The following KCNJ6 variants were observed in gnomAD, a reference collection of about 807,000 sequenced individuals.
KCNJ6 encodes the protein G protein-activated inward rectifier potassium channel 2.
Under a neutral mutation model 34.2 loss-of-function variants are expected in KCNJ6, and 9 were observed. That is an observed-to-expected ratio of 0.26 (90% CI 0.16 to 0.46). KCNJ6 has a LOEUF of 0.46. KCNJ6 is among the 20% of genes least tolerant of loss of function. KCNJ6 has a pLI of 1.00. For synonymous variants in KCNJ6, 196 were observed against 207.1 expected, an observed-to-expected ratio of 0.95 and a Z score of 0.46; for missense variants, 236 against 531.3, an observed-to-expected ratio of 0.44 and a Z score of 5.46.
intron 2 of KCNJ6, among the ~76,000 whole-genome samples, chr21:37,730,546 G>C (rs1290389703): frequency 6.6e-6 from 1 of 152,178 alleles, no homozygotes; most frequent in South Asian, 2.1e-4. Flanking sequence ...ATAGTGTCTG[G>C]GTCGAAGAAG....
chr21:37,631,530 A>G (rs2054333658), intron 3 of KCNJ6, among the ~76,000 whole-genome samples: 1 of 152,162 alleles, frequency 6.6e-6, no homozygotes, highest in Non-Finnish European at 1.5e-5. Flanking sequence ...CAATGTACAA[A>G]ATGAAACCAC....
At chr21:37,863,863 T>G (rs34071406) in intron 1 of KCNJ6, among the ~76,000 whole-genome samples, 1 of 144,042 alleles carries the variant, frequency 6.9e-6, no homozygotes, top group Non-Finnish European at 1.5e-5. Context: ...TTTTTTTGTT[T>G]TTTTTTTTTT....
Position 37,883,050 on chromosome 21 carries a change from G to A in KCNJ6, c.-28+32834C>T, listed in dbSNP as rs778856643. On this transcript the variant is annotated intron_variant, in intron 1 of 3. Coordinates refer to ENST00000609713, the MANE Select transcript of KCNJ6 (RefSeq NM_002240.5). ...GGTCTGTATGTGCATGTGTATTCAC[G>A]CGCTTTTACGCCGGTGCAGGCCTTC... is the stretch of plus-strand genomic sequence containing the variant. Among the ~76,000 whole-genome samples, 29 of 152,282 alleles carry A rather than the reference G, an allele frequency of 1.9e-4. No individual in the cohort carries two copies. The Middle Eastern group carries it at 0.01, about 54-fold the overall frequency.
At chr21:37,724,825 C>A (rs2054845746) in intron 2 of KCNJ6, among the ~76,000 whole-genome samples, 1 of 151,848 alleles carries the variant, frequency 6.6e-6, no homozygotes, top group East Asian at 1.9e-4. Context: ...CAACTGATTG[C>A]CCTCCTGGAA....
At chr21:37,798,035 A>G (rs1601476727) in intron 2 of KCNJ6, among the ~76,000 whole-genome samples, 1 of 152,004 alleles carries the variant, frequency 6.6e-6, no homozygotes, top group Admixed American at 6.5e-5. Context: ...GCTATAGCAA[A>G]CTCCTTTTAG....
intron 2 of KCNJ6, among the ~76,000 whole-genome samples, chr21:37,808,303 A>C (rs2055303747): frequency 6.6e-6 from 1 of 152,216 alleles, no homozygotes; most frequent in South Asian, 2.1e-4. Flanking sequence ...GTCCTGGGCT[A>C]TCAAGTTAGC....
intron 2 of KCNJ6, among the ~76,000 whole-genome samples, chr21:37,828,901 A>G (rs994391502): frequency 2.6e-5 from 4 of 152,078 alleles, no homozygotes; most frequent in Non-Finnish European, 5.9e-5. Context: ...TCTTGGCCAC[A>G]CATCTGGGCA....
intron 3 of KCNJ6, among the ~76,000 whole-genome samples, chr21:37,691,546 G>T (rs1171158743): frequency 6.6e-6 from 1 of 152,188 alleles, no homozygotes; most frequent in East Asian, 1.9e-4. Flanking sequence ...GACTTCTAAG[G>T]AGTTCCTCTG....
chr21:37,913,397 A>G (rs757992228), intron 1 of KCNJ6, among the ~76,000 whole-genome samples: 22 of 152,192 alleles, frequency 1.4e-4, no homozygotes, highest in Non-Finnish European at 2.1e-4. Context: ...AGATGTGATC[A>G]CTGGCTCTCA....
intron 2 of KCNJ6, among the ~76,000 whole-genome samples, chr21:37,805,290 G>A (rs9305627): frequency 0.5 from 75,200 of 151,438 alleles, 19,039 homozygotes; most frequent in Middle Eastern, 0.54. Context: ...GAAAATAATT[G>A]TATGAGAAAA....
intron 2 of KCNJ6, among the ~76,000 whole-genome samples, chr21:37,777,617 C>T (rs1228923749): frequency 6.6e-6 from 1 of 152,116 alleles, no homozygotes; most frequent in East Asian, 1.9e-4. Flanking sequence ...GCTCAGTTGA[C>T]TCAAGGTAGA....
intron 2 of KCNJ6, among the ~76,000 whole-genome samples, chr21:37,726,772 A>G (rs1164013216): frequency 6.6e-6 from 1 of 152,180 alleles, no homozygotes; most frequent in Non-Finnish European, 1.5e-5. Flanking sequence ...ACATAAATCT[A>G]TTTCTATTTT....
intron 1 of KCNJ6, among the ~76,000 whole-genome samples, chr21:37,907,503 C>A (rs573257462): frequency 6.6e-6 from 1 of 152,286 alleles, no homozygotes; most frequent in African/African-American, 2.4e-5. Flanking sequence ...ACATACACTC[C>A]AACCCCAGTT....
At chr21:37,799,521 T>C (rs1327545130) in intron 2 of KCNJ6, among the ~76,000 whole-genome samples, 1 of 152,196 alleles carries the variant, frequency 6.6e-6, no homozygotes, top group Non-Finnish European at 1.5e-5. Flanking sequence ...ACAGTAATTA[T>C]GGGTCAACAG....
chr21:37,659,052 C>G (rs2054476620), intron 3 of KCNJ6, among the ~76,000 whole-genome samples: 1 of 152,232 alleles, frequency 6.6e-6, no homozygotes, highest in African/African-American at 2.4e-5. Flanking sequence ...ATGAAGTTTC[C>G]CAGCATGGAA....
intron 2 of KCNJ6, among the ~76,000 whole-genome samples, chr21:37,780,238 A>G (rs1402785972): frequency 1.3e-5 from 2 of 152,224 alleles, no homozygotes; most frequent in Non-Finnish European, 2.9e-5. Flanking sequence ...TGTGATTCCA[A>G]CTATATGACA....
intron 1 of KCNJ6, among the ~76,000 whole-genome samples, chr21:37,879,728 TG>T (rs1187611746): frequency 4.0e-5 from 6 of 149,356 alleles, no homozygotes; most frequent in South Asian, 4.3e-4. Context: ...TGTGTGTGTG[TG>T]TGTGTGTGTG....
At position 37,615,049 on chromosome 21, in the gene KCNJ6, A is replaced by G. The variant is rs1167021053; in HGVS notation, c.*10110T>C. The G allele has an allele frequency of 6.6e-6, 1 of 152,170 alleles. No individual in the cohort carries two copies. Among genetic ancestry groups the G allele is most frequent in the Non-Finnish European group, 1.5e-5 (1 of 68,036 alleles). 9.4% of individuals were successfully genotyped at this position (152,170 alleles called of 1,614,324 possible). A position where few individuals can be genotyped will look rare whatever the true frequency, so the allele number is the denominator to read the frequency against. On this transcript the variant is annotated 3_prime_UTR_variant, in exon 4 of 4. Transcript: ENST00000609713. ...TAGAAAATACACAGAAGAAATTCTT[A>G]CAGTGCAGTTGTCGAGATTGCGGAA...
chr21:37,744,606 A>G (rs1203499196), intron 2 of KCNJ6, among the ~76,000 whole-genome samples: 1 of 152,160 alleles, frequency 6.6e-6, no homozygotes, highest in Non-Finnish European at 1.5e-5. Flanking sequence ...CAAGTAAGAG[A>G]AGTGGAGATT....
Sources: allele counts gnomAD v4.1 joint callset (sites outside exome capture counted in the v4.1 genomes callset), GRCh38; gene constraint gnomAD v4.1.1; transcripts MANE v1.5; gene names NCBI Gene and HGNC (gene_info 2026-07-23, HGNC 2026-07-21).